Variants in GSTCD observed in about 807,000 individuals in gnomAD.
GSTCD encodes the protein glutathione S-transferase C-terminal domain containing.
Under a neutral mutation model 68.3 loss-of-function variants are expected in GSTCD, and 44 were observed. That is an observed-to-expected ratio of 0.64 (90% confidence interval 0.51 to 0.83). The LOEUF (loss-of-function observed/expected upper bound fraction) is 0.83, where lower values mean the gene tolerates loss of function less well. Among genes scored for constraint, GSTCD ranks in the 40% least tolerant of loss-of-function variants. The pLI, the probability that GSTCD is intolerant of heterozygous loss-of-function variation, is 0.00. For synonymous variants in GSTCD, 273 were observed against 255.2 expected (o/e 1.07, Z -0.67); for missense variants, 739 against 735.9 (o/e 1.00, Z -0.05).
intron 5 of GSTCD, among the ~76,000 whole-genome samples, chr4:105,766,885 C>CTATTTTTTTTTTTTTTTTTTTT (rs1491149179): frequency 4.3e-5 from 1 of 23,062 alleles, no homozygotes; most frequent in Non-Finnish European, 8.6e-5. Flanking sequence ...AGGTTTTTGA[C>CTATTTTTTTTTTTTTTTTTTTT]TCTTTTTTTT....
chr4:105,736,481 A>G (rs558023037), intron 5 of GSTCD, among the ~76,000 whole-genome samples: 3 of 152,178 alleles, frequency 2.0e-5, no homozygotes, highest in African/African-American at 4.8e-5. Flanking sequence ...TCATTGACAC[A>G]TAGTAATTGT....
intron 4 of GSTCD, 107 bp downstream of exon 4, chr4:105,726,937 T>G: frequency 4.4e-6 from 4 of 902,716 alleles, no homozygotes; most frequent in Non-Finnish European, 6.7e-6. Flanking sequence ...TTATAAATTT[T>G]ATTTGTAGCT....
At chr4:105,719,719 T>C (rs961442645) in intron 3 of GSTCD, among the ~76,000 whole-genome samples, 192 bp downstream of exon 3, 2 of 152,198 alleles carry the variant, frequency 1.3e-5, no homozygotes, top group African/African-American at 4.8e-5. Context: ...AAGGAACAAA[T>C]TAAAGTTTGT....
chr4:105,716,283 G>A (rs1370707412), intron 1 of GSTCD, among the ~76,000 whole-genome samples: 2 of 152,114 alleles, frequency 1.3e-5, no homozygotes, highest in Non-Finnish European at 2.9e-5. Context: ...GATTTAAATT[G>A]AGTAGTCAGG....
intron 1 of GSTCD, among the ~76,000 whole-genome samples, chr4:105,710,476 G>A (rs1732500977): frequency 7.0e-6 from 1 of 142,500 alleles, no homozygotes; most frequent in Non-Finnish European, 1.5e-5. Context: ...TGATCCGCCC[G>A]CCTCGGCTTC....
At chr4:105,792,939 G>T (rs1401626289) in intron 5 of GSTCD, among the ~76,000 whole-genome samples, 1 of 151,972 alleles carries the variant, frequency 6.6e-6, no homozygotes. Flanking sequence ...TATTTTTAAT[G>T]AACAAGGAAA....
chr4:105,730,939 GA>G (rs1194436574), intron 5 of GSTCD, among the ~76,000 whole-genome samples: 1 of 152,058 alleles, frequency 6.6e-6, no homozygotes, highest in East Asian at 1.9e-4. Flanking sequence ...GGAAGGGATC[GA>G]GTTTCAGCTT....
Position 105,727,526 on chromosome 4 carries a change from GA to G in GSTCD, c.1146+710del, listed in dbSNP as rs74707949. ...GGCAACAAAGTGAGACTCTGTCTCG[GA>G]AAAAAAAAAAAAAGAAATATAAAGA... is the stretch of plus-strand genomic sequence containing the variant. On this transcript the variant is annotated intron_variant, in intron 4 of 11. Transcript: ENST00000515279. Among the ~76,000 whole-genome samples, 427 of 127,272 alleles carry G rather than the reference GA, an allele frequency of 3.4e-3. 1 individual carries two copies. The highest frequency in any genetic ancestry group is 6.5e-3 in the African/African-American group (224 of 34,488). 83.5% of individuals were successfully genotyped at this position (127,272 alleles called of 152,430 possible). A position where few individuals can be genotyped will look rare whatever the true frequency, so the allele number is the denominator to read the frequency against.
intron 5 of GSTCD, among the ~76,000 whole-genome samples, chr4:105,786,152 T>C (rs1441810837): frequency 6.6e-6 from 1 of 152,202 alleles, no homozygotes; most frequent in Non-Finnish European, 1.5e-5. Flanking sequence ...CAAAGCCTTC[T>C]AAGAATGACA....
rs1237673041 is a variant in GSTCD at position 105,719,458 on chromosome 4, T to C, written c.825T>C (p.His275=). The part of the protein sequence containing the change: ...AKASDLPPLE[H]VFAEGLYFTL... ...CCTCCGACCTTCCACCTCTGGAGCA[T>C]GTGTTTGCAGAAGGGCTTTACTTCA... is the stretch of plus-strand genomic sequence containing the variant. The change falls in exon 3 of 12, where the codon CAT becomes CAC. Residue 275 remains histidine (H), a synonymous_variant. Transcript: ENST00000515279. 3 of 1,613,938 alleles carry C rather than the reference T, an allele frequency of 1.9e-6. No homozygotes were observed.
At chr4:105,737,620 A>T (rs1217791949) in intron 5 of GSTCD, among the ~76,000 whole-genome samples, 1 of 152,178 alleles carries the variant, frequency 6.6e-6, no homozygotes, top group Middle Eastern at 3.2e-3. Flanking sequence ...TGGGTCTTAC[A>T]TTTAAGTCTT....
In GSTCD at chr4:105,801,464, G is replaced by T. The variant is rs535908012; in HGVS notation, c.1241-21490G>T. 3.9e-5 allele frequency among the ~76,000 whole-genome samples: 6 copies of T among 152,184 alleles called. No individual in the cohort carries two copies. The South Asian group carries it at 1.2e-3, about 32-fold the overall frequency. ...ACGTTGTTAAATGAATTTTATTAGG[G>T]TGATAGTGTTAAAGAATAAAGGGTA... On this transcript the variant is annotated intron_variant, in intron 5 of 11. Coordinates refer to ENST00000515279, the MANE Select transcript of GSTCD (RefSeq NM_001370181.1).
chr4:105,727,889 G>A (rs1321162339), intron 4 of GSTCD, among the ~76,000 whole-genome samples: 3 of 152,124 alleles, frequency 2.0e-5, no homozygotes, highest in South Asian at 2.1e-4. Context: ...GTTATCCATC[G>A]AGTTACACTG....
intron 5 of GSTCD, among the ~76,000 whole-genome samples, chr4:105,730,277 C>G (rs983272666): frequency 3.9e-5 from 6 of 152,192 alleles, no homozygotes; most frequent in Non-Finnish European, 8.8e-5. Flanking sequence ...ATGGCTGGGT[C>G]AAATGGTATT....
intron 5 of GSTCD, among the ~76,000 whole-genome samples, chr4:105,765,291 G>A (rs1221746046): frequency 6.6e-6 from 1 of 152,120 alleles, no homozygotes; most frequent in Non-Finnish European, 1.5e-5. Flanking sequence ...GATCAGTATT[G>A]TCTCAAGGTA....
chr4:105,769,597 A>G (rs1489085699), intron 5 of GSTCD, among the ~76,000 whole-genome samples: 1 of 152,080 alleles, frequency 6.6e-6, no homozygotes, highest in Non-Finnish European at 1.5e-5. Context: ...GAATCTCCAG[A>G]ATTTGTATCA....
At position 105,708,794 on chromosome 4, in the gene GSTCD, T is replaced by C. The variant is rs954586375; in HGVS notation, c.-244T>C. 2.5e-5 allele frequency: 4 copies of C among 160,574 alleles called. No homozygotes were observed. The highest frequency in any genetic ancestry group is 4.0e-5 in the Non-Finnish European group (3 of 75,454). The allele number at this position is 160,574 out of a possible 1,614,324, so 9.9% of individuals were successfully genotyped here. A position where few individuals can be genotyped will look rare whatever the true frequency, so the allele number is the denominator to read the frequency against. On this transcript the variant is annotated 5_prime_UTR_variant, in exon 1 of 12. Transcript: ENST00000515279. ...ACAGTAGGAAGTGACGTTACTTCCC[T>C]TTTTCCGGTCCGCCGGATTATGAAT...
intron 5 of GSTCD, among the ~76,000 whole-genome samples, chr4:105,781,922 C>G (rs151080127): frequency 6.1e-4 from 93 of 151,736 alleles, no homozygotes; most frequent in African/African-American, 2.2e-3. Context: ...CATAGCATGT[C>G]TGTGTGGGGT....
At chr4:105,797,578 G>A (rs769983382) in intron 5 of GSTCD, among the ~76,000 whole-genome samples, 7 of 152,054 alleles carry the variant, frequency 4.6e-5, no homozygotes, top group Non-Finnish European at 1.0e-4. Context: ...CTGGTGGAGG[G>A]TCTTGCCTTG....
Sources: gnomAD v4.1 joint callset for allele counts (sites outside exome capture counted in the v4.1 genomes callset) on GRCh38, gnomAD v4.1.1 for gene constraint, MANE v1.5 for transcripts, NCBI Gene and HGNC (gene_info 2026-07-23, HGNC 2026-07-21) for gene names.